Variants in TMTC2 observed in about 807,000 individuals in gnomAD.
The protein encoded by TMTC2 is transmembrane O-mannosyltransferase targeting cadherins 2, also known as protein O-mannosyl-transferase TMTC2.
A neutral mutation model predicts 82.4 loss-of-function variants in TMTC2; 43 were observed. The ratio of observed to expected loss-of-function variants is 0.52; its 90% CI spans 0.41 to 0.67. TMTC2 has a LOEUF of 0.67. Ranked by LOEUF, TMTC2 falls within the 30% of genes least tolerant of loss-of-function variation. TMTC2 has a pLI of 0.00. For missense variants in TMTC2, 919 were observed against 1,012.4 expected, an observed-to-expected ratio of 0.91 and a Z score of 1.25; for synonymous variants, 408 against 381.9, an observed-to-expected ratio of 1.07 and a Z score of -0.80.
intron 8 of TMTC2, among the ~76,000 whole-genome samples, chr12:83,005,763 A>AGCAGGG (rs1304576053): frequency 6.6e-6 from 1 of 152,138 alleles, no homozygotes; most frequent in African/African-American, 2.4e-5. Flanking sequence ...AAAGCACTCA[A>AGCAGGG]AGCAGTATGC....
intron 1 of TMTC2, among the ~76,000 whole-genome samples, chr12:82,735,325 T>C (rs572080949): frequency 6.7e-6 from 1 of 148,714 alleles, no homozygotes; most frequent in African/African-American, 2.5e-5. Flanking sequence ...GATCTGTCTT[T>C]AACAGTTTTA....
intron 8 of TMTC2, among the ~76,000 whole-genome samples, chr12:82,996,279 ACT>A (rs1879612919): frequency 6.6e-6 from 1 of 152,122 alleles, no homozygotes; most frequent in African/African-American, 2.4e-5. Context: ...CCATTATTAT[ACT>A]CCACACTGAA....
At chr12:83,106,890 A>G (rs988599551) in intron 11 of TMTC2, among the ~76,000 whole-genome samples, 1 of 152,248 alleles carries the variant, frequency 6.6e-6, no homozygotes, top group Non-Finnish European at 1.5e-5. Context: ...TCCCTAAAGC[A>G]TATACTTCGG....
intron 2 of TMTC2, among the ~76,000 whole-genome samples, chr12:82,860,457 A>T (rs1182868309): frequency 6.6e-6 from 1 of 152,226 alleles, no homozygotes; most frequent in Non-Finnish European, 1.5e-5. Context: ...GAACAAATAT[A>T]GGTAAAGTCA....
rs1264051259 is a variant in TMTC2 at position 83,124,510 on chromosome 12, A to T, written c.2332-7700A>T. Among the ~76,000 whole-genome samples the T allele has an allele frequency of 3.3e-5, 5 of 152,234 alleles. No individual in the cohort carries two copies. In the East Asian group the frequency reaches 9.7e-4, roughly 29 times the overall value. On this transcript the variant is annotated intron_variant, in intron 11 of 11. Transcript: ENST00000321196. ...TAAGTGTAGCAATTAATGCATGTAG[A>T]CAGCACTATGGGAACATAAAGAAGT...
At chr12:82,699,914 A>T (rs1041758423) in intron 1 of TMTC2, among the ~76,000 whole-genome samples, 3 of 152,164 alleles carry the variant, frequency 2.0e-5, no homozygotes, top group Non-Finnish European at 4.4e-5. Context: ...GTCTGTACTG[A>T]ACATGTACAG....
At chr12:82,992,669 G>A (rs190826860) in intron 8 of TMTC2, among the ~76,000 whole-genome samples, 128 of 152,204 alleles carry the variant, frequency 8.4e-4, no homozygotes, top group African/African-American at 2.8e-3. Context: ...GAAGCATAAT[G>A]AATCTGATAG....
At chr12:82,915,835 C>T (rs190072438) in intron 3 of TMTC2, among the ~76,000 whole-genome samples, 1 of 152,288 alleles carries the variant, frequency 6.6e-6, no homozygotes, top group African/African-American at 2.4e-5. Context: ...GCAACTTGTA[C>T]TCTTTGGGAT....
At chr12:83,087,178 C>A (rs1883689176) in intron 11 of TMTC2, among the ~76,000 whole-genome samples, 1 of 152,164 alleles carries the variant, frequency 6.6e-6, no homozygotes, top group Non-Finnish European at 1.5e-5. Flanking sequence ...GTTAAGAAAC[C>A]ACTTTATTTG....
intron 3 of TMTC2, among the ~76,000 whole-genome samples, chr12:82,906,413 C>A (rs1318541723): frequency 6.6e-6 from 1 of 152,092 alleles, no homozygotes; most frequent in Non-Finnish European, 1.5e-5. Flanking sequence ...GTCTGTAATC[C>A]CAGCACTTTG....
chr12:83,050,698 A>G (rs994522797), intron 9 of TMTC2, among the ~76,000 whole-genome samples: 20 of 142,716 alleles, frequency 1.4e-4, no homozygotes, highest in Admixed American at 6.2e-4. Context: ...CTTTTTAAGA[A>G]AAAAAAATGT....
Position 83,006,045 on chromosome 12 carries a change from C to T in TMTC2, c.2070+19999C>T, listed in dbSNP as rs958596313. Among the ~76,000 whole-genome samples, 7 of 152,186 alleles carry T rather than the reference C, an allele frequency of 4.6e-5. 1 individual carries two copies. Among genetic ancestry groups the T allele is most frequent in the Non-Finnish European group, 8.8e-5 (6 of 68,030 alleles). On this transcript the variant is annotated intron_variant, in intron 8 of 11. Transcript: ENST00000321196. The stretch of plus-strand genomic sequence containing the variant: ...TCTGTCTACTCTCTGGGCAGTCCCC[C>T]CTACCAGCTCAACTGTCTGTAGGGG...
intron 7 of TMTC2, among the ~76,000 whole-genome samples, chr12:82,968,093 A>G (rs1033399273): frequency 2.6e-5 from 4 of 152,142 alleles, no homozygotes; most frequent in Admixed American, 6.5e-5. Context: ...CTAGACAGTA[A>G]ACAGAAAAAT....
At chr12:82,984,958 G>T (rs928566762) in intron 7 of TMTC2, among the ~76,000 whole-genome samples, 15 of 151,468 alleles carry the variant, frequency 9.9e-5, no homozygotes, top group Admixed American at 7.2e-4. Context: ...TGTAGTGCTG[G>T]GCATGCTTAA....
At chr12:82,862,662 T>A (rs1303134301) in intron 2 of TMTC2, among the ~76,000 whole-genome samples, 1 of 152,210 alleles carries the variant, frequency 6.6e-6, no homozygotes, top group Admixed American at 6.5e-5. Context: ...ATTGGAGACA[T>A]TGAGATTTTC....
At chr12:82,699,656 A>C (rs977397885) in intron 1 of TMTC2, among the ~76,000 whole-genome samples, 1 of 152,192 alleles carries the variant, frequency 6.6e-6, no homozygotes, top group Non-Finnish European at 1.5e-5. Flanking sequence ...GTTTTGTTTA[A>C]CACAGGTGCA....
chr12:82,697,606 T>C (rs1198731463), intron 1 of TMTC2, among the ~76,000 whole-genome samples: 1 of 152,248 alleles, frequency 6.6e-6, no homozygotes, highest in Non-Finnish European at 1.5e-5. Flanking sequence ...AAGTTGATCC[T>C]ATGAGTTTGA....
intron 3 of TMTC2, among the ~76,000 whole-genome samples, chr12:82,902,944 T>C (rs1271538275): frequency 1.3e-5 from 2 of 152,324 alleles, no homozygotes; most frequent in South Asian, 2.1e-4. Flanking sequence ...AGATTATAGA[T>C]ATGATAGATA....
At chr12:82,959,323 A>G (rs1012979163) in intron 4 of TMTC2, among the ~76,000 whole-genome samples, 1 of 152,038 alleles carries the variant, frequency 6.6e-6, no homozygotes, top group South Asian at 2.1e-4. Flanking sequence ...TTAGAAAAAC[A>G]CTATTCTAAT....
Sources: allele counts gnomAD v4.1 joint callset (sites outside exome capture counted in the v4.1 genomes callset), GRCh38; gene constraint gnomAD v4.1.1; transcripts MANE v1.5; gene names NCBI Gene and HGNC (gene_info 2026-07-23, HGNC 2026-07-21).